The following PTPRN2 variants were observed in gnomAD, a reference collection of about 807,000 sequenced individuals.
PTPRN2 encodes the protein protein tyrosine phosphatase receptor type N2.
In PTPRN2, 74 loss-of-function variants were observed where a neutral mutation model predicts 118.8. That is an observed-to-expected ratio of 0.62 (90% confidence interval 0.52 to 0.76). PTPRN2 has a LOEUF of 0.76. Among genes scored for constraint, PTPRN2 ranks in the 30% least tolerant of loss-of-function variants. The pLI is 0.00. For synonymous variants in PTPRN2, 641 were observed against 608.0 expected (o/e 1.05, Z -0.80); for missense variants, 1,481 against 1,394.4 (o/e 1.06, Z -0.99).
chr7:157,547,806 CAA>C (rs1415009223), intron 22 of PTPRN2, among the ~76,000 whole-genome samples: 1 of 152,202 alleles, frequency 6.6e-6, no homozygotes, highest in East Asian at 1.9e-4. Flanking sequence ...CACGCCTAGA[CAA>C]GAGACGTTCC....
At chr7:157,772,176 T>G (rs952670527) in intron 12 of PTPRN2, among the ~76,000 whole-genome samples, 9 of 127,642 alleles carry the variant, frequency 7.1e-5, no homozygotes, top group African/African-American at 2.8e-4. Flanking sequence ...GGCACAGACA[T>G]ACACAGACAC....
At chr7:158,502,988 C>A (rs1055346010) in intron 1 of PTPRN2, among the ~76,000 whole-genome samples, 2 of 149,558 alleles carry the variant, frequency 1.3e-5, no homozygotes, top group Non-Finnish European at 3.0e-5. Flanking sequence ...TGTCCATCAG[C>A]CACTGTGTCC....
chr7:158,202,597 G>C (rs1826726583), intron 4 of PTPRN2, among the ~76,000 whole-genome samples: 1 of 152,230 alleles, frequency 6.6e-6, no homozygotes, highest in African/African-American at 2.4e-5. Context: ...TAGCAGGGCA[G>C]GGGAAGGGAG....
Position 158,451,039 on chromosome 7 carries a change from G to A in PTPRN2, c.163+38696C>T, listed in dbSNP as rs117474008. On this transcript the variant is annotated intron_variant, in intron 2 of 22. Transcript: ENST00000389418. The stretch of plus-strand genomic sequence containing the variant: ...GAGCTGGTGCTTCCGGTTTTTGCCC[G>A]TCTAGTAGGGGAGCTGCTGAATTTC... Among the ~76,000 whole-genome samples the A allele has an allele frequency of 9.6e-3, 1,458 of 152,260 alleles. 79 individuals carry two copies. Among genetic ancestry groups the A allele is most frequent in the Admixed American group, 0.077 (1,179 of 15,260 alleles).
intron 11 of PTPRN2, among the ~76,000 whole-genome samples, chr7:157,927,095 C>T (rs6951904): frequency 0.37 from 24,982 of 68,172 alleles, 4,152 homozygotes; most frequent in East Asian, 0.55. Context: ...AGACAGGAAG[C>T]CCCAGGGACC....
At position 158,570,049 on chromosome 7, in the gene PTPRN2, G is replaced by T. The variant is rs1024920179; in HGVS notation, c.112+17509C>A. ...GCCTTTCCTCCCTCGCGTTCCCTCA[G>T]GCGCGTCCTCCACCCGTTTCCCCCA... On this transcript the variant is annotated intron_variant, in intron 1 of 22. Coordinates refer to ENST00000389418, the MANE Select transcript of PTPRN2 (RefSeq NM_002847.5). The surrounding 1 kb of genome is among the most constrained non-coding windows in gnomAD (Gnocchi z 4.5). 1.3e-5 allele frequency among the ~76,000 whole-genome samples: 2 copies of T among 152,174 alleles called. No individual in the cohort carries two copies. The highest frequency in any genetic ancestry group is 2.9e-5 in the Non-Finnish European group (2 of 68,020).
At chr7:157,544,251 G>A (rs1442383791) in intron 22 of PTPRN2, among the ~76,000 whole-genome samples, 3 of 152,200 alleles carry the variant, frequency 2.0e-5, no homozygotes, top group African/African-American at 7.2e-5. Context: ...AGTGGGCTGC[G>A]GGCCTGGAGC....
At chr7:158,146,287 C>A (rs550312023) in intron 6 of PTPRN2, among the ~76,000 whole-genome samples, 6 of 152,082 alleles carry the variant, frequency 3.9e-5, no homozygotes, top group African/African-American at 1.2e-4. Context: ...AAATGTTAAC[C>A]TATATTTAAA....
Position 158,521,540 on chromosome 7 carries a change from G to T in PTPRN2, c.113-31755C>A, listed in dbSNP as rs1040485691. Among the ~76,000 whole-genome samples, 2 of 151,304 alleles carry T rather than the reference G, an allele frequency of 1.3e-5. 1 individual carries two copies. The highest frequency in any genetic ancestry group is 1.3e-4 in the Admixed American group (2 of 15,160). ...GGGTGCTGGCTCAGGAGGAAGGTCC[G>T]CATCGGAATGGTGGACTGTCCAGGT... On this transcript the variant is annotated intron_variant, in intron 1 of 22. Transcript: ENST00000389418.
intron 11 of PTPRN2, among the ~76,000 whole-genome samples, chr7:158,051,306 C>A (rs1050262439): frequency 2.6e-5 from 4 of 152,182 alleles, no homozygotes; most frequent in Non-Finnish European, 5.9e-5. Context: ...CCAGATGTAA[C>A]CCAGTTCTTA....
At chr7:157,926,187 A>G (rs1426697358) in intron 11 of PTPRN2, among the ~76,000 whole-genome samples, 2 of 152,046 alleles carry the variant, frequency 1.3e-5, no homozygotes, top group African/African-American at 2.4e-5. Context: ...CCACAGCCAC[A>G]GGAAGCTGAG....
intron 3 of PTPRN2, among the ~76,000 whole-genome samples, chr7:158,307,130 G>A (rs1482441496): frequency 6.6e-6 from 1 of 152,158 alleles, no homozygotes; most frequent in Admixed American, 6.5e-5. Context: ...GCCTCCCAAA[G>A]TGCTGGGATT....
chr7:157,863,012 G>C (rs561472373), intron 12 of PTPRN2: 1 of 152,282 alleles, frequency 6.6e-6, no homozygotes, highest in Non-Finnish European at 1.5e-5. Context: ...CACGTCAGGC[G>C]GCACTTGGTG....
intron 11 of PTPRN2, among the ~76,000 whole-genome samples, chr7:157,998,412 A>G (rs1804951898): frequency 6.6e-6 from 1 of 152,146 alleles, no homozygotes; most frequent in South Asian, 2.1e-4. Context: ...ACAGCAGACC[A>G]CCTGCGTGAG....
chr7:157,631,525 T>C (rs370355716), intron 14 of PTPRN2, among the ~76,000 whole-genome samples: 122 of 137,884 alleles, frequency 8.8e-4, no homozygotes, highest in South Asian at 2.4e-3. Flanking sequence ...GGTGAAACCC[T>C]GTCTCTACTA....
intron 12 of PTPRN2, among the ~76,000 whole-genome samples, chr7:157,762,807 G>T (rs1489092527): frequency 6.6e-6 from 1 of 152,120 alleles, no homozygotes; most frequent in Non-Finnish European, 1.5e-5. Flanking sequence ...GTGGGAGCAT[G>T]GTGGCCCCAG....
rs1805764069 is a variant in PTPRN2 at position 157,808,329 on chromosome 7, AGCGGGTGAGTG to A, written c.1788+90333_1788+90343del. ...TGAGTGAGTACGTGAGTGGCAGGTA[AGCGGGTGAGTG>A]GCGGGTGAGTGAGCGAGTGAAACTT... On this transcript the variant is annotated intron_variant, in intron 12 of 22. Coordinates refer to ENST00000389418, the MANE Select transcript of PTPRN2 (RefSeq NM_002847.5). This position sits in a 1 kb window ranked among gnomAD's most constrained non-coding sequence, Gnocchi z 5.0. Among the ~76,000 whole-genome samples, 1 of 151,478 alleles carries A rather than the reference AGCGGGTGAGTG, an allele frequency of 6.6e-6. No homozygotes were observed. The highest frequency in any genetic ancestry group is 1.5e-5 in the Non-Finnish European group (1 of 67,894).
chr7:158,349,870 C>T (rs577876939), intron 2 of PTPRN2, among the ~76,000 whole-genome samples: 3 of 151,404 alleles, frequency 2.0e-5, no homozygotes, highest in South Asian at 4.2e-4. Context: ...GGATGGCCCA[C>T]GTCACTGTGC....
At chr7:157,662,832 C>T (rs1314245346) in intron 13 of PTPRN2, among the ~76,000 whole-genome samples, 6 of 152,152 alleles carry the variant, frequency 3.9e-5, no homozygotes, top group African/African-American at 1.2e-4. Context: ...GGGATGTACC[C>T]GATGTCTACA....
Sources: allele counts gnomAD v4.1 joint callset (sites outside exome capture counted in the v4.1 genomes callset), GRCh38; gene constraint gnomAD v4.1.1; non-coding constraint Gnocchi (gnomAD v3.1); transcripts MANE v1.5; gene names NCBI Gene and HGNC (gene_info 2026-07-23, HGNC 2026-07-21).